CDH23: variants seen among roughly 807,000 people sequenced by gnomAD.
CDH23 encodes the protein cadherin related 23, also known as cadherin-23.
Under a neutral mutation model 317.1 loss-of-function variants are expected in CDH23, and 189 were observed. The observed-to-expected ratio is 0.60, with a 90% confidence interval of 0.53 to 0.67. CDH23 has a LOEUF of 0.67. Among genes scored for constraint, CDH23 ranks in the 30% least tolerant of loss-of-function variants. The pLI, the probability that CDH23 is intolerant of heterozygous loss-of-function variation, is 0.00. For synonymous variants in CDH23, 1,839 were observed against 1,876.8 expected (o/e 0.98, Z 0.52); for missense variants, 4,401 against 4,592.4 (o/e 0.96, Z 1.20).
intron 28 of CDH23, chr10:71,713,581 C>T (rs1464972994): frequency 2.2e-5 from 9 of 416,172 alleles, no homozygotes; most frequent in Non-Finnish European, 3.9e-5. Context: ...GAGCTGACTC[C>T]CAGAAACACA....
At chr10:71,457,633 A>G (rs1850760549) in intron 3 of CDH23, among the ~76,000 whole-genome samples, 1 of 152,196 alleles carries the variant, frequency 6.6e-6, no homozygotes, top group Admixed American at 6.5e-5. Flanking sequence ...TCAATCTGGG[A>G]GACCAGGCCC....
At chr10:71,665,282 C>T (rs968816884) in intron 14 of CDH23, among the ~76,000 whole-genome samples, 1 of 152,172 alleles carries the variant, frequency 6.6e-6, no homozygotes, top group Non-Finnish European at 1.5e-5. Context: ...ACCTGGAGTC[C>T]AGCCACATCC....
intron 36 of CDH23, 95 bp downstream of exon 36, chr10:71,739,867 ACT>A: frequency 7.3e-7 from 1 of 1,370,714 alleles, no homozygotes; most frequent in South Asian, 1.5e-5. Context: ...CCATCAGCAC[ACT>A]CTGGTGGTCA....
intron 66 of CDH23, 66 bp downstream of exon 66, chr10:71,812,081 G>C (rs895286571): frequency 8.7e-6 from 14 of 1,612,120 alleles, no homozygotes; most frequent in Non-Finnish European, 1.2e-5. Context: ...GCTGGGGAGA[G>C]CTGCAGTCTC....
chr10:71,784,143 A>G (rs1007954929), intron 41 of CDH23, 144 bp from the exon 42 acceptor site: 7 of 741,262 alleles, frequency 9.4e-6, no homozygotes, highest in Non-Finnish European at 1.5e-5. Context: ...GAGGATCTGA[A>G]GCTGGGGTCA....
chr10:71,811,684 C>G (rs764701818), intron 64 of CDH23, 29 bp from the exon 65 acceptor site: 1 of 1,612,792 alleles, frequency 6.2e-7, no homozygotes, highest in Non-Finnish European at 8.5e-7. Flanking sequence ...CTTGGCCCCC[C>G]TCACCAGCCC....
In CDH23 at chr10:71,405,106, G is replaced by A. The variant is rs574852004; in HGVS notation, c.-6+7788G>A. ...AGGAATGCTGGCTTTCCCTGGCTTC[G>A]GGTTAGTGTGGGCTGAGTCCCTCTG... On this transcript the variant is annotated intron_variant, in intron 1 of 69. Transcript: ENST00000224721. Among the ~76,000 whole-genome samples the A allele has an allele frequency of 7.9e-5, 12 of 152,266 alleles. No individual in the cohort carries two copies. The East Asian group carries it at 2.3e-3, about 29-fold the overall frequency.
intron 54 of CDH23, 26 bp downstream of exon 54, chr10:71,803,101 T>C: frequency 6.2e-7 from 1 of 1,600,996 alleles, no homozygotes; most frequent in Non-Finnish European, 8.5e-7. Context: ...TGGACACCCA[T>C]GATGTCTTGG....
intron 7 of CDH23, among the ~76,000 whole-genome samples, chr10:71,569,730 A>G (rs978615337): frequency 2.6e-5 from 4 of 152,180 alleles, no homozygotes; most frequent in African/African-American, 9.7e-5. Context: ...TGGGCTCATC[A>G]TAACTACAGA....
rs2132669614 is a variant in CDH23, at chr10:71,677,534, G to A, written c.1593G>A (p.Leu531=). The A allele has an allele frequency of 1.9e-6, 3 of 1,612,292 alleles. No individual in the cohort carries two copies. The South Asian group carries it at 3.3e-5, about 18-fold the overall frequency. Residue 531 remains leucine (L), a synonymous_variant, in exon 16 of 70, where the codon CTG becomes CTA. Coordinates refer to ENST00000224721, the MANE Select transcript of CDH23 (RefSeq NM_022124.6). ...ATGAGCTCATCCAGCGCTTCACCCT[G>A]ACGATCATTGCCCGGGACGGGGGCG... The part of the protein sequence containing the change: ...LDYELIQRFT[L]TIIARDGGGE...
chr10:71,770,214 A>ACAGTATT (rs1238230882), intron 38 of CDH23, among the ~76,000 whole-genome samples: 1 of 152,236 alleles, frequency 6.6e-6, no homozygotes, highest in African/African-American at 2.4e-5. Flanking sequence ...ATAATATTAC[A>ACAGTATT]CAGTATTCAC....
At chr10:71,618,391 C>T (rs955702462) in intron 11 of CDH23, among the ~76,000 whole-genome samples, 14 of 152,080 alleles carry the variant, frequency 9.2e-5, no homozygotes, top group Non-Finnish European at 8.8e-5. Context: ...GGCCTCTATT[C>T]GGTGGGGCCA....
At chr10:71,547,186 A>G (rs1856328834) in intron 6 of CDH23, among the ~76,000 whole-genome samples, 1 of 152,212 alleles carries the variant, frequency 6.6e-6, no homozygotes, top group Non-Finnish European at 1.5e-5. Flanking sequence ...GAGAATAGCC[A>G]GGTAACTCTG....
intron 1 of CDH23, among the ~76,000 whole-genome samples, chr10:71,407,157 G>A (rs1429656824): frequency 6.6e-6 from 1 of 152,186 alleles, no homozygotes; most frequent in African/African-American, 2.4e-5. Context: ...TCATTACTTT[G>A]TACTGCACTT....
At chr10:71,406,378 G>T (rs2131906431) in intron 1 of CDH23, among the ~76,000 whole-genome samples, 1 of 152,284 alleles carries the variant, frequency 6.6e-6, no homozygotes, top group Admixed American at 6.5e-5. Context: ...CAGACCTGGG[G>T]CAATCTCTGG....
At chr10:71,790,241 C>G (rs1472789994) in intron 45 of CDH23, 47 bp from the exon 46 acceptor site, 1 of 1,604,402 alleles carries the variant, frequency 6.2e-7, no homozygotes, top group Non-Finnish European at 8.5e-7. Flanking sequence ...GGTGGGAGGG[C>G]AGGGGGCTGG....
At chr10:71,502,374 C>A (rs946878) in intron 3 of CDH23, among the ~76,000 whole-genome samples, 149,549 of 152,348 alleles carry the variant, frequency 0.98, 73,411 homozygotes, top group East Asian at 1. Context: ...TGCAGATTCA[C>A]TGGGAAAAGG....
intron 3 of CDH23, among the ~76,000 whole-genome samples, chr10:71,481,977 G>A (rs1390030484): frequency 6.6e-6 from 1 of 152,182 alleles, no homozygotes; most frequent in Non-Finnish European, 1.5e-5. Flanking sequence ...AAGGGTGGGG[G>A]GAGTCGGGGC....
At chr10:71,451,190 A>C in intron 3 of CDH23, among the ~76,000 whole-genome samples, 3 of 148,778 alleles carry the variant, frequency 2.0e-5, no homozygotes, top group East Asian at 2.0e-4. Context: ...CGGCCCTTCC[A>C]CTCCCATCAC....
Sources: allele counts gnomAD v4.1 joint callset (sites outside exome capture counted in the v4.1 genomes callset), GRCh38; gene constraint gnomAD v4.1.1; transcripts MANE v1.5; gene names NCBI Gene and HGNC (gene_info 2026-07-23, HGNC 2026-07-21).